POLK: variants seen among roughly 807,000 people sequenced by gnomAD.
POLK encodes polymerase (DNA directed) kappa.
POLK carries 76 observed loss-of-function variants against 94.0 expected under a neutral mutation model. That is an observed-to-expected ratio of 0.81 (90% CI 0.67 to 0.98). The LOEUF (loss-of-function observed/expected upper bound fraction) is 0.98, where lower values mean the gene tolerates loss of function less well. POLK is among the 50% of genes least tolerant of loss of function. The pLI, the probability that POLK is intolerant of heterozygous loss-of-function variation, is 0.00. For synonymous variants in POLK, 349 were observed against 325.4 expected (o/e 1.07, Z -0.78); for missense variants, 954 against 1,010.1 (o/e 0.94, Z 0.75).
chr5:75,538,711 G>A (rs1196810050), intron 1 of POLK: 1 of 152,000 alleles, frequency 6.6e-6, no homozygotes, highest in African/African-American at 2.4e-5. Context: ...AATCCTAGAT[G>A]CCGTTGTTTA....
chr5:75,607,969 G>GT, the POLK span, among the ~76,000 whole-genome samples: 1 of 152,106 alleles, frequency 6.6e-6, no homozygotes, highest in East Asian at 1.9e-4. Flanking sequence ...CTAGGAAGAT[G>GT]TTTTTAAAAA....
intron 11 of POLK, among the ~76,000 whole-genome samples, chr5:75,590,890 T>C (rs1204408930): frequency 6.6e-6 from 1 of 152,208 alleles, no homozygotes; most frequent in Non-Finnish European, 1.5e-5. Context: ...TAGTCCAGGT[T>C]GCTTAACACA....
chr5:75,512,011 G>T, intron 1 of POLK, 97 bp downstream of exon 1: 1 of 554,666 alleles, frequency 1.8e-6, no homozygotes. Context: ...CCTCGGCCTC[G>T]CTTCTATCCT....
At chr5:75,530,245 C>CTTTTTTT (rs575507126) in intron 1 of POLK, among the ~76,000 whole-genome samples, 58 of 95,924 alleles carry the variant, frequency 6.0e-4, no homozygotes, top group East Asian at 1.6e-3. Context: ...ATTTGTATTT[C>CTTTTTTT]TTTTTTTTTT....
chr5:75,566,956 T>A (rs1021569541), intron 3 of POLK, among the ~76,000 whole-genome samples: 6 of 152,288 alleles, frequency 3.9e-5, no homozygotes, highest in African/African-American at 1.2e-4. Context: ...GGGATTTCAG[T>A]TGAAGAAACT....
intron 1 of POLK, among the ~76,000 whole-genome samples, chr5:75,521,360 T>C (rs1768577060): frequency 6.6e-6 from 1 of 152,134 alleles, no homozygotes. Context: ...TTTTTCTGCT[T>C]GATCCACTAT....
intron 1 of POLK, among the ~76,000 whole-genome samples, chr5:75,542,163 A>G (rs1769772672): frequency 6.6e-6 from 1 of 152,190 alleles, no homozygotes; most frequent in Non-Finnish European, 1.5e-5. Flanking sequence ...GAGATTCAAA[A>G]TAGTATTTGT....
At chr5:75,581,666 A>G (rs1772199563) in intron 7 of POLK, 1 of 470,068 alleles carries the variant, frequency 2.1e-6, no homozygotes, top group East Asian at 3.8e-5. Context: ...AAAAAAGATT[A>G]TACGTTTCTT....
At chr5:75,570,853 A>G (rs949768749) in intron 4 of POLK, among the ~76,000 whole-genome samples, 5 of 152,182 alleles carry the variant, frequency 3.3e-5, no homozygotes, top group Non-Finnish European at 7.3e-5. Context: ...TAAAACTATA[A>G]TCTGTTTGTT....
exon 15 of POLK, chr5:75,599,169 T>A (rs1488767771): frequency 6.6e-6 from 1 of 152,056 alleles, no homozygotes; most frequent in Non-Finnish European, 1.5e-5. Flanking sequence ...GGAGAACTAC[T>A]TGAACCTGGG....
At chr5:75,519,482 A>C (rs1768469727) in intron 1 of POLK, among the ~76,000 whole-genome samples, 1 of 152,144 alleles carries the variant, frequency 6.6e-6, no homozygotes, top group Non-Finnish European at 1.5e-5. Context: ...AGGGTGTTGA[A>C]GTCTCCTACT....
At chr5:75,541,835 G>A (rs1475678211) in intron 1 of POLK, among the ~76,000 whole-genome samples, 1 of 152,166 alleles carries the variant, frequency 6.6e-6, no homozygotes, top group Non-Finnish European at 1.5e-5. Flanking sequence ...TATGGTTTCA[G>A]TGTATGTTTT....
In POLK at chr5:75,511,827, G is replaced by A. The variant is rs1447214575; in HGVS notation, c.-101G>A. On this transcript the variant is annotated 5_prime_UTR_variant, in exon 1 of 15. Coordinates refer to ENST00000241436, the Ensembl canonical transcript of POLK. Reference sequence around the variant, plus strand: ...CGGAGAAAGGAGAGGGCGGGGTAGGGATGCAGCTGTGCTGCATTCTGGGAA... The same window carrying A: ...CGGAGAAAGGAGAGGGCGGGGTAGGAATGCAGCTGTGCTGCATTCTGGGAA... The A allele has an allele frequency of 1.3e-6, 2 of 1,551,080 alleles. No homozygotes were observed. The highest frequency in any genetic ancestry group is 1.7e-4 in the Middle Eastern group (1 of 5,986).
At chr5:75,596,399 A>C (rs1366752210) in exon 13 of POLK, 1 of 1,613,930 alleles carries the variant, frequency 6.2e-7, no homozygotes, top group Non-Finnish European at 8.5e-7. Flanking sequence ...AGTTTCTTTG[A>C]TAAAAAACGA....
chr5:75,566,986 T>G (rs1164321984), intron 3 of POLK, among the ~76,000 whole-genome samples: 2 of 152,182 alleles, frequency 1.3e-5, no homozygotes, highest in Non-Finnish European at 2.9e-5. Flanking sequence ...AGTAGTGGCA[T>G]GCATCTGGTT....
intron 3 of POLK, among the ~76,000 whole-genome samples, chr5:75,566,137 G>A (rs767720237): frequency 6.6e-6 from 1 of 152,230 alleles, no homozygotes; most frequent in Non-Finnish European, 1.5e-5. Context: ...CACCCAGTTC[G>A]AACTTCCCAC....
chr5:75,546,166 A>G (rs911753791), intron 1 of POLK, among the ~76,000 whole-genome samples: 3 of 152,238 alleles, frequency 2.0e-5, no homozygotes, highest in African/African-American at 7.2e-5. Context: ...AGCCTTACTA[A>G]TAAGGTATAC....
At chr5:75,573,698 G>A in intron 4 of POLK, 40 bp from the exon 5 acceptor site, 1 of 1,550,904 alleles carries the variant, frequency 6.4e-7, no homozygotes. Context: ...TGTCCATTTA[G>A]GTTTGTGTAT....
intron 1 of POLK, among the ~76,000 whole-genome samples, chr5:75,520,877 T>C (rs1183302429): frequency 1.3e-5 from 2 of 152,168 alleles, no homozygotes; most frequent in Non-Finnish European, 2.9e-5. Context: ...GAAGGATGGG[T>C]TTGCTGAATA....
Sources: allele counts gnomAD v4.1 joint callset (sites outside exome capture counted in the v4.1 genomes callset), GRCh38; gene constraint gnomAD v4.1.1; transcripts MANE v1.5; gene names NCBI Gene and HGNC (gene_info 2026-07-23, HGNC 2026-07-21).